DNAH8: variants seen among roughly 807,000 people sequenced by gnomAD.
DNAH8 encodes the protein axonemal beta dynein heavy chain 8.
In DNAH8, 382 loss-of-function variants were observed where a neutral mutation model predicts 562.1. The observed-to-expected ratio is 0.68, with a 90% CI of 0.63 to 0.74. The LOEUF is 0.74. Ranked by LOEUF, DNAH8 falls within the 30% of genes least tolerant of loss-of-function variation. The pLI, the probability that DNAH8 is intolerant of heterozygous loss-of-function variation, is 0.00. For synonymous variants in DNAH8, 1,881 were observed against 1,919.4 expected (o/e 0.98, Z 0.52); for missense variants, 5,203 against 5,620.4 (o/e 0.93, Z 2.37).
At chr6:38,853,036 A>G (rs1775884125) in intron 40 of DNAH8, 150 bp from the exon 41 acceptor site, 1 of 677,956 alleles carries the variant, frequency 1.5e-6, no homozygotes, top group Admixed American at 3.1e-5. Flanking sequence ...CTATAGTATT[A>G]GGTGATTTTA....
At chr6:38,893,303 T>C (rs1053830564) in intron 58 of DNAH8, among the ~76,000 whole-genome samples, 2 of 152,206 alleles carry the variant, frequency 1.3e-5, no homozygotes, top group African/African-American at 4.8e-5. Flanking sequence ...ACCTTTGTAT[T>C]ACTTTATATA....
At chr6:38,851,322 C>T (rs1775725761) in intron 38 of DNAH8, among the ~76,000 whole-genome samples, 1 of 152,132 alleles carries the variant, frequency 6.6e-6, no homozygotes, top group Non-Finnish European at 1.5e-5. Flanking sequence ...CATAGGAGGG[C>T]ATCTGATGAG....
At chr6:38,887,622 G>A (rs1779034901) in intron 57 of DNAH8, among the ~76,000 whole-genome samples, 1 of 152,012 alleles carries the variant, frequency 6.6e-6, no homozygotes, top group Non-Finnish European at 1.5e-5. Context: ...CCAGAGGATT[G>A]CTTGAGCCTA....
At chr6:38,821,561 C>G (rs1416169734) in intron 26 of DNAH8, among the ~76,000 whole-genome samples, 1 of 152,114 alleles carries the variant, frequency 6.6e-6, no homozygotes, top group African/African-American at 2.4e-5. Flanking sequence ...GAACTTACCA[C>G]TACTTGGTTT....
In DNAH8 at chr6:38,982,341, T is replaced by G. The variant is rs1764089411; in HGVS notation, c.12835-5T>G. On this transcript the variant is annotated splice_polypyrimidine_tract_variant and splice_region_variant and intron_variant, in intron 85 of 92. Transcript: ENST00000327475. Reference sequence around the variant, plus strand: ...CAATACTTACTTTTCTTTGGTGTTTTTAAGGAGCGACGAAAATTTGGCCCC... The same window carrying G: ...CAATACTTACTTTTCTTTGGTGTTTGTAAGGAGCGACGAAAATTTGGCCCC... The G allele has an allele frequency of 6.8e-7, 1 of 1,471,576 alleles. No individual in the cohort carries two copies. The highest frequency in any genetic ancestry group is 1.4e-5 in the African/African-American group (1 of 72,258). The allele number at this position is 1,471,576 out of a possible 1,614,324, so 91.2% of individuals were successfully genotyped here.
chr6:38,994,651 T>TCC (rs1491053808), intron 88 of DNAH8, among the ~76,000 whole-genome samples: 1 of 7,828 alleles, frequency 1.3e-4, no homozygotes, highest in Non-Finnish European at 6.1e-4. Context: ...TTTTTTTTCT[T>TCC]TTTTTTTTTT....
chr6:38,986,551 C>T (rs1179842888), intron 87 of DNAH8, among the ~76,000 whole-genome samples: 1 of 151,250 alleles, frequency 6.6e-6, no homozygotes, highest in Admixed American at 6.6e-5. Context: ...AGAAACTGAC[C>T]TCTGTATTTG....
chr6:39,030,223 T>G lies in DNAH8; in HGVS notation c.13955T>G (p.Phe4652Cys), dbSNP rs767466008. 1.2e-6 allele frequency: 2 copies of G among 1,614,138 alleles called. No individual in the cohort carries two copies. Among genetic ancestry groups the G allele is most frequent in the South Asian group, 2.2e-5 (2 of 91,074 alleles). The change falls in exon 93 of 93, where the codon TTT (phenylalanine) becomes TGT (cysteine). Residue 4652 changes from phenylalanine to cysteine, a missense_variant. Around this residue, in one of 6 missense-constraint regions of DNAH8, gnomAD observed 1,399 missense variants for 1,518.4 expected, o/e 0.92. Coordinates refer to ENST00000327475, the MANE Select transcript of DNAH8 (RefSeq NM_001206927.2). ...ACGCAGTTACCCGTGCTCCACATCT[T>G]TGCCATTAACTCCACGGCACCCAAG... is the stretch of plus-strand genomic sequence containing the variant. ...LFTQLPVLHI[F>C]AINSTAPKDP...
At chr6:38,960,035 A>G (rs1435201683) in intron 82 of DNAH8, among the ~76,000 whole-genome samples, 5 of 152,102 alleles carry the variant, frequency 3.3e-5, no homozygotes, top group African/African-American at 1.2e-4. Flanking sequence ...CTTTTCAATA[A>G]ATGGTGTTGG....
rs571780824 is a variant in DNAH8, at chr6:38,770,113, C to T, written c.1618-300C>T. On this transcript the variant is annotated intron_variant, in intron 11 of 92. Transcript: ENST00000327475. ...AAGAATGCTGATTCTAAGATGGATG[C>T]GAACTGAATAGAGATGTCTTGATAG... Among the ~76,000 whole-genome samples the T allele has an allele frequency of 3.9e-5, 6 of 152,160 alleles. No individual in the cohort carries two copies. The South Asian group carries it at 1.0e-3, about 26-fold the overall frequency.
chr6:39,012,449 A>G lies in DNAH8; in HGVS notation c.13526A>G (p.Asn4509Ser), dbSNP rs1766279119. The G allele has an allele frequency of 6.2e-7, 1 of 1,611,904 alleles. No homozygotes were observed. Among genetic ancestry groups the G allele is most frequent in the African/African-American group, 1.3e-5 (1 of 74,858 alleles). Residue 4509 changes from asparagine to serine, a missense_variant and splice_region_variant, in exon 91 of 93, where the codon AAT (asparagine) becomes AGT (serine). Asn to Ser is a conservative substitution (Grantham distance 46, BLOSUM62 1). Transcript: ENST00000327475. ...AIEGTIIMSENLRDALDNMYD... is the reference protein window; with the variant it reads ...AIEGTIIMSESLRDALDNMYD... ...GTGTTTTAACTTTTTCTTCTCCAGA[A>G]TCTGAGAGATGCTCTGGACAACATG... is the stretch of plus-strand genomic sequence containing the variant.
intron 10 of DNAH8, among the ~76,000 whole-genome samples, chr6:38,758,287 G>A (rs569875173): frequency 6.6e-6 from 1 of 151,858 alleles, no homozygotes; most frequent in East Asian, 1.9e-4. Flanking sequence ...TCTCTTTGAA[G>A]CAATTGTGAA....
In DNAH8 at chr6:38,952,793, T is replaced by C. The variant is rs534002491; in HGVS notation, c.12451+1273T>C. Among the ~76,000 whole-genome samples the C allele has an allele frequency of 2.0e-5, 3 of 152,322 alleles. No individual in the cohort carries two copies. In the East Asian group the frequency reaches 5.8e-4, roughly 29 times the overall value. ...TCTTCTGTCTGAACACTGATACCAA[T>C]GCAAAGAGCTCCCAGGTTCTATTGG... On this transcript the variant is annotated intron_variant, in intron 82 of 92. Coordinates refer to ENST00000327475, the MANE Select transcript of DNAH8 (RefSeq NM_001206927.2).
chr6:38,805,644 T>C, intron 23 of DNAH8, 48 bp downstream of exon 23: 1 of 1,078,276 alleles, frequency 9.3e-7, no homozygotes, highest in Non-Finnish European at 1.4e-6. Flanking sequence ...TTATGGTTTA[T>C]AGGATTATAG....
chr6:38,747,154 T>C (rs1281481427), intron 8 of DNAH8, among the ~76,000 whole-genome samples: 2 of 152,148 alleles, frequency 1.3e-5, no homozygotes, highest in African/African-American at 4.8e-5. Flanking sequence ...ATCTTACCTA[T>C]AACATTTCAT....
chr6:38,763,678 G>A (rs960674665), intron 11 of DNAH8: 8 of 170,006 alleles, frequency 4.7e-5, no homozygotes, highest in African/African-American at 1.4e-4. Flanking sequence ...GTGTTGGTGC[G>A]CACCTGTAGT....
At chr6:38,964,814 C>A (rs1583467489) in intron 82 of DNAH8, among the ~76,000 whole-genome samples, 1 of 152,112 alleles carries the variant, frequency 6.6e-6, no homozygotes, top group East Asian at 1.9e-4. Context: ...GTAATCCCAG[C>A]ACTTTAGGAG....
At position 38,870,522 on chromosome 6, in the gene DNAH8, G is replaced by A. The variant is rs1307310167; in HGVS notation, c.6950G>A (p.Gly2317Asp). 1 of 1,614,022 alleles carries A rather than the reference G, an allele frequency of 6.2e-7. No homozygotes were observed. The highest frequency in any genetic ancestry group is 1.1e-5 in the South Asian group (1 of 91,086). Residue 2317 changes from glycine (G) to aspartate (D), a missense_variant, in exon 49 of 93, where the codon GGT becomes GAT. Physicochemically the swap from Gly to Asp is moderately conservative, Grantham distance 94. Around this residue, in one of 6 missense-constraint regions of DNAH8, gnomAD observed 2,176 missense variants for 2,365.1 expected, o/e 0.92. Coordinates refer to ENST00000327475, the MANE Select transcript of DNAH8 (RefSeq NM_001206927.2). ...NAVAHQVQIE[G>D]LINHPPWNLK... ...GTAGCCCATCAGGTTCAGATAGAGG[G>A]TTTGATTAACCATCCACCCTGGAAC...
chr6:38,927,136 A>T (rs372202601), intron 74 of DNAH8, among the ~76,000 whole-genome samples: 1 of 152,256 alleles, frequency 6.6e-6, no homozygotes, highest in African/African-American at 2.4e-5. Context: ...TGTCATCATT[A>T]TAGAAAAAAA....
Sources: gnomAD v4.1 joint callset for allele counts (sites outside exome capture counted in the v4.1 genomes callset) on GRCh38, gnomAD v4.1.1 for gene constraint, gnomAD v4.1.1 regional missense constraint, MANE v1.5 for transcripts, NCBI Gene and HGNC (gene_info 2026-07-23, HGNC 2026-07-21) for gene names.